Variants in SPATA13 observed in about 807,000 individuals in gnomAD.
The protein encoded by SPATA13 is spermatogenesis associated 13.
Under a neutral mutation model 104.0 loss-of-function variants are expected in SPATA13, and 50 were observed. The observed-to-expected ratio is 0.48, with a 90% CI of 0.38 to 0.61. The LOEUF is 0.61. Ranked by LOEUF, SPATA13 falls within the 20% of genes least tolerant of loss-of-function variation. SPATA13 has a pLI of 0.00. For missense variants in SPATA13, 1,524 were observed against 1,690.6 expected, an observed-to-expected ratio of 0.90 and a Z score of 1.73; for synonymous variants, 606 against 667.5, an observed-to-expected ratio of 0.91 and a Z score of 1.42.
chr13:24,207,386 C>T (rs180851023), intron 1 of SPATA13, among the ~76,000 whole-genome samples: 6 of 152,248 alleles, frequency 3.9e-5, no homozygotes, highest in East Asian at 1.9e-4. Flanking sequence ...AAATAAAAAT[C>T]GGAAAGAAAA....
At chr13:24,041,999 C>G (rs1214738440) in intron 3 of SPATA13, among the ~76,000 whole-genome samples, 2 of 152,176 alleles carry the variant, frequency 1.3e-5, no homozygotes, top group Non-Finnish European at 2.9e-5. Flanking sequence ...GAAAGTGTAC[C>G]AGGGAATTCC....
chr13:24,005,030 A>G (rs948843296), intron 2 of SPATA13, among the ~76,000 whole-genome samples: 1 of 152,194 alleles, frequency 6.6e-6, no homozygotes, highest in Non-Finnish European at 1.5e-5. Context: ...CTTTTTCATG[A>G]CATATAGGTT....
At chr13:24,071,056 GGA>G (rs1879144304) in intron 3 of SPATA13, among the ~76,000 whole-genome samples, 3 of 152,266 alleles carry the variant, frequency 2.0e-5, no homozygotes, top group African/African-American at 7.2e-5. Context: ...TTGTTTCCCT[GGA>G]GAACCATGAT....
At chr13:24,102,005 G>A (rs1001728681) in intron 3 of SPATA13, among the ~76,000 whole-genome samples, 1 of 152,152 alleles carries the variant, frequency 6.6e-6, no homozygotes, top group Non-Finnish European at 1.5e-5. Flanking sequence ...CCCAGAAGTA[G>A]GATTGTTGGA....
intron 2 of SPATA13, chr13:24,224,943 T>C (rs2138615314): frequency 2.8e-6 from 1 of 359,056 alleles, no homozygotes; most frequent in Non-Finnish European, 5.4e-6. Flanking sequence ...CTTTCTTCTT[T>C]GTATTTTAAG....
At chr13:24,250,409 A>G (rs143905714) in intron 3 of SPATA13, among the ~76,000 whole-genome samples, 20 of 152,320 alleles carry the variant, frequency 1.3e-4, no homozygotes, top group East Asian at 7.7e-4. Context: ...TTATCCGGGT[A>G]TCCAGTGAGC....
chr13:24,298,914 T>C (rs1033344108), intron 11 of SPATA13, among the ~76,000 whole-genome samples: 2 of 152,100 alleles, frequency 1.3e-5, no homozygotes, highest in African/African-American at 4.8e-5. Context: ...CTTGGGCCAC[T>C]CCAAGATACA....
At chr13:24,069,822 A>T (rs535001908) in intron 3 of SPATA13, among the ~76,000 whole-genome samples, 3 of 152,196 alleles carry the variant, frequency 2.0e-5, no homozygotes, top group Non-Finnish European at 4.4e-5. Flanking sequence ...ATAATCTAAG[A>T]CCAAATGGCA....
chr13:24,191,122 T>A (rs2138550326), intron 1 of SPATA13, among the ~76,000 whole-genome samples: 1 of 152,236 alleles, frequency 6.6e-6, no homozygotes, highest in East Asian at 1.9e-4. Flanking sequence ...TTTTTAAATT[T>A]ATTAATTAAA....
rs541793200 is a variant in SPATA13 at position 24,297,596 on chromosome 13, C to T, written c.3444C>T (p.Ser1148=). The part of the protein sequence containing the change: ...GDGRDKDCNL[S]VKNAFKLVSR... ...GGCGCGACAAGGACTGCAACCTCAG[C>T]GTGAAAAATGCCTTCAAGCTCGTCA... The change falls in exon 11 of 13, where the codon AGC becomes AGT. Residue 1148 remains serine (S), a synonymous_variant. Coordinates refer to ENST00000382108, the MANE Select transcript of SPATA13 (RefSeq NM_001166271.3). The T allele has an allele frequency of 1.6e-4, 264 of 1,614,138 alleles. 4 individuals are homozygous for T. In the South Asian group the frequency reaches 2.0e-3, roughly 12 times the overall value.
In SPATA13 at chr13:24,154,945, A is replaced by G. The variant is rs144101110; in HGVS notation, c.-111-67874A>G. 3.4e-3 allele frequency among the ~76,000 whole-genome samples: 523 copies of G among 152,062 alleles called. 4 individuals carry two copies. The highest frequency in any genetic ancestry group is 0.011 in the East Asian group (56 of 5,172). ...TGATCTTGGCTCAGTGCAAACTCCA[A>G]CTCCCAGGTTCAAGTGATTCTCATG... On this transcript the variant is annotated intron_variant, in intron 3 of 14. Transcript: ENST00000424834.
chr13:24,130,689 G>A (rs9551065), intron 3 of SPATA13, among the ~76,000 whole-genome samples: 15,954 of 152,112 alleles, frequency 0.1, 1,184 homozygotes, highest in East Asian at 0.44. Context: ...ACGGTTTAAC[G>A]GTGGTTTAGA....
chr13:24,138,976 T>G (rs547960522), intron 3 of SPATA13, among the ~76,000 whole-genome samples: 40 of 152,310 alleles, frequency 2.6e-4, no homozygotes, highest in Admixed American at 2.4e-3. Context: ...TTCCTAGGGC[T>G]GCTAAAACAA....
chr13:24,272,970 A>T, intron 4 of SPATA13: 1 of 152,614 alleles, frequency 6.6e-6, no homozygotes, highest in Middle Eastern at 3.1e-3. Context: ...CTGACGAGAC[A>T]CCAGCCCAGA....
chr13:24,231,605 T>C (rs1872277620), intron 2 of SPATA13, among the ~76,000 whole-genome samples: 1 of 152,240 alleles, frequency 6.6e-6, no homozygotes, highest in Admixed American at 6.5e-5. Context: ...TTCCTTTCTC[T>C]TGGGTGGATA....
At chr13:24,214,353 C>T (rs1334907345) in intron 1 of SPATA13, among the ~76,000 whole-genome samples, 1 of 152,242 alleles carries the variant, frequency 6.6e-6, no homozygotes, top group Non-Finnish European at 1.5e-5. Flanking sequence ...ATACCATTCC[C>T]TATTAGCAAT....
intron 1 of SPATA13, among the ~76,000 whole-genome samples, chr13:24,201,004 A>G (rs191874616): frequency 1.4e-5 from 2 of 145,926 alleles, no homozygotes; most frequent in African/African-American, 5.0e-5. Flanking sequence ...TTGCACGCTC[A>G]TGTGAATTTT....
At chr13:23,981,837 T>C (rs1464649434) in intron 1 of SPATA13, among the ~76,000 whole-genome samples, 1 of 152,242 alleles carries the variant, frequency 6.6e-6, no homozygotes. Context: ...TATTTTTTGA[T>C]CATTCATAAT....
At chr13:24,239,750 GC>G (rs1490836883) in intron 2 of SPATA13, among the ~76,000 whole-genome samples, 1 of 140,550 alleles carries the variant, frequency 7.1e-6, no homozygotes, top group East Asian at 2.1e-4. Flanking sequence ...CATATTCAGA[GC>G]TAAAATATGG....
Sources: gnomAD v4.1 joint callset for allele counts (sites outside exome capture counted in the v4.1 genomes callset) on GRCh38, gnomAD v4.1.1 for gene constraint, MANE v1.5 for transcripts, NCBI Gene and HGNC (gene_info 2026-07-23, HGNC 2026-07-21) for gene names.